Variants in BRINP3 observed in about 807,000 individuals in gnomAD.
BRINP3 encodes the protein BMP/retinoic acid-inducible neural-specific protein 3.
In BRINP3, 19 loss-of-function variants were observed where a neutral mutation model predicts 71.0. The ratio of observed to expected loss-of-function variants is 0.27; its 90% CI spans 0.19 to 0.39. The LOEUF is 0.39. Among genes scored for constraint, BRINP3 ranks in the 10% least tolerant of loss-of-function variants. The pLI, the probability that BRINP3 is intolerant of heterozygous loss-of-function variation, is 1.00. For missense variants in BRINP3, 959 were observed against 940.8 expected (o/e 1.02, Z -0.25); for synonymous variants, 380 against 337.7 (o/e 1.13, Z -1.37).
chr1:190,258,811 T>C (rs1252323683), intron 4 of BRINP3, among the ~76,000 whole-genome samples: 1 of 152,142 alleles, frequency 6.6e-6, no homozygotes, highest in Non-Finnish European at 1.5e-5. Flanking sequence ...AGGACAGTGA[T>C]AAATGTTTGG....
intron 5 of BRINP3, among the ~76,000 whole-genome samples, chr1:190,233,748 A>G (rs892070468): frequency 5.3e-5 from 8 of 152,202 alleles, no homozygotes; most frequent in African/African-American, 1.9e-4. Flanking sequence ...TCCTGCCTAT[A>G]AGAATGAGCA....
chr1:190,140,924 T>C (rs1240319330), intron 7 of BRINP3, among the ~76,000 whole-genome samples: 1 of 152,148 alleles, frequency 6.6e-6, no homozygotes, highest in Non-Finnish European at 1.5e-5. Context: ...CAAATCTCTA[T>C]TCACAAGAGC....
chr1:190,274,141 T>G (rs1662349564), intron 3 of BRINP3, among the ~76,000 whole-genome samples: 3 of 151,560 alleles, frequency 2.0e-5, no homozygotes, highest in South Asian at 4.1e-4. Flanking sequence ...AAAGAGTCCT[T>G]CTTCATTCCC....
chr1:190,349,354 A>C (rs540685053), intron 2 of BRINP3, among the ~76,000 whole-genome samples: 3 of 152,140 alleles, frequency 2.0e-5, no homozygotes, highest in Non-Finnish European at 4.4e-5. Flanking sequence ...AGAGTGAGTC[A>C]GTAGGGAAGT....
intron 1 of BRINP3, among the ~76,000 whole-genome samples, chr1:190,472,427 T>A (rs1254718857): frequency 6.6e-6 from 1 of 151,682 alleles, no homozygotes; most frequent in South Asian, 2.1e-4. Flanking sequence ...TCCAAAAATC[T>A]TTGGGATATT....
At chr1:190,343,563 T>C (rs1667811413) in intron 2 of BRINP3, among the ~76,000 whole-genome samples, 1 of 151,890 alleles carries the variant, frequency 6.6e-6, no homozygotes, top group East Asian at 1.9e-4. Context: ...GAATGCCTTG[T>C]ATATAGTACA....
intron 6 of BRINP3, among the ~76,000 whole-genome samples, chr1:190,179,504 G>T (rs1021079796): frequency 6.6e-6 from 1 of 151,966 alleles, no homozygotes; most frequent in Non-Finnish European, 1.5e-5. Context: ...TGTCAACCGA[G>T]GTCTTGACTT....
At chr1:190,464,539 A>G (rs192051890) in intron 1 of BRINP3, among the ~76,000 whole-genome samples, 11 of 152,056 alleles carry the variant, frequency 7.2e-5, no homozygotes, top group Admixed American at 7.2e-4. Context: ...GCACTGTCTT[A>G]GGCATAGTAA....
intron 5 of BRINP3, among the ~76,000 whole-genome samples, chr1:190,230,673 T>C (rs895649984): frequency 6.6e-6 from 1 of 151,846 alleles, no homozygotes; most frequent in Non-Finnish European, 1.5e-5. Flanking sequence ...AGTGAGTGTA[T>C]AGATATATGT....
At chr1:190,389,447 A>T (rs1471011488) in intron 2 of BRINP3, among the ~76,000 whole-genome samples, 1 of 151,892 alleles carries the variant, frequency 6.6e-6, no homozygotes, top group African/African-American at 2.4e-5. Flanking sequence ...AAACAAAATC[A>T]TTGTATTCCC....
At chr1:190,143,753 G>T (rs1389748820) in intron 7 of BRINP3, among the ~76,000 whole-genome samples, 1 of 152,108 alleles carries the variant, frequency 6.6e-6, no homozygotes, top group Admixed American at 6.6e-5. Context: ...ACTGAGGTAT[G>T]CCATGACTAT....
chr1:190,116,567 A>G (rs1653152953), intron 7 of BRINP3, among the ~76,000 whole-genome samples: 1 of 152,096 alleles, frequency 6.6e-6, no homozygotes. Flanking sequence ...CTGGGGTAAC[A>G]TGTCCTCAAA....
At chr1:190,130,634 G>A (rs747803156) in intron 7 of BRINP3, among the ~76,000 whole-genome samples, 4 of 151,928 alleles carry the variant, frequency 2.6e-5, no homozygotes, top group Non-Finnish European at 5.9e-5. Flanking sequence ...TCTAAAGAAC[G>A]GTAAGTATTC....
intron 4 of BRINP3, among the ~76,000 whole-genome samples, chr1:190,244,290 C>T (rs1468040848): frequency 6.6e-6 from 1 of 151,972 alleles, no homozygotes; most frequent in African/African-American, 2.4e-5. Flanking sequence ...GACTGGGAAG[C>T]AAAATGTCAC....
chr1:190,109,028 C>G (rs564041411), intron 7 of BRINP3, among the ~76,000 whole-genome samples: 1 of 152,112 alleles, frequency 6.6e-6, no homozygotes, highest in East Asian at 1.9e-4. Context: ...CTAGTTCAGC[C>G]TTAATGTAAT....
At position 190,405,236 on chromosome 1, in the gene BRINP3, G is replaced by A. The variant is rs147373012; in HGVS notation, c.236+49419C>T. On this transcript the variant is annotated intron_variant, in intron 2 of 7. Transcript: ENST00000367462. Reference sequence around the variant, plus strand: ...GGAGGCCGAGGCGGGCGGATCACGAGGTCAGCAGATCGAGACCATCCTGGC... The same window carrying A: ...GGAGGCCGAGGCGGGCGGATCACGAAGTCAGCAGATCGAGACCATCCTGGC... Among the ~76,000 whole-genome samples, 525 of 152,010 alleles carry A rather than the reference G, an allele frequency of 3.5e-3. 4 individuals carry two copies. Among genetic ancestry groups the A allele is most frequent in the African/African-American group, 0.012 (485 of 41,496 alleles).
intron 2 of BRINP3, among the ~76,000 whole-genome samples, chr1:190,294,181 T>C (rs900351046): frequency 2.6e-5 from 4 of 152,136 alleles, no homozygotes; most frequent in Non-Finnish European, 4.4e-5. Flanking sequence ...ACTTTTAGGG[T>C]ATTTATTATA....
At chr1:190,268,160 C>A (rs939707489) in intron 3 of BRINP3, among the ~76,000 whole-genome samples, 71 of 151,970 alleles carry the variant, frequency 4.7e-4, no homozygotes, top group African/African-American at 1.6e-3. Context: ...ATTAACACAT[C>A]CAGAAACAAA....
At chr1:190,294,450 C>T (rs1664098238) in intron 2 of BRINP3, among the ~76,000 whole-genome samples, 2 of 151,760 alleles carry the variant, frequency 1.3e-5, no homozygotes, top group Admixed American at 6.6e-5. Flanking sequence ...TAGGGTCTCA[C>T]TTTGTTGCCC....
Sources: allele counts gnomAD v4.1 joint callset (sites outside exome capture counted in the v4.1 genomes callset), GRCh38; gene constraint gnomAD v4.1.1; transcripts MANE v1.5; gene names NCBI Gene and HGNC (gene_info 2026-07-23, HGNC 2026-07-21).